TULP3: variants seen among roughly 807,000 people sequenced by gnomAD.
TULP3 encodes the protein TUB like protein 3, also known as tubby-related protein 3.
In TULP3, 38 loss-of-function variants were observed where a neutral mutation model predicts 50.7. That is an observed-to-expected ratio of 0.75 (90% CI 0.58 to 0.98). The LOEUF is 0.98. Ranked by LOEUF, TULP3 falls within the 50% of genes least tolerant of loss-of-function variation. The pLI is 0.00. For synonymous variants in TULP3, 183 were observed against 196.6 expected (o/e 0.93, Z 0.58); for missense variants, 550 against 568.0 (o/e 0.97, Z 0.32).
intron 2 of TULP3, among the ~76,000 whole-genome samples, chr12:2,909,956 T>G (rs4572194): frequency 0.46 from 69,536 of 152,034 alleles, 16,096 homozygotes; most frequent in East Asian, 0.56. Context: ...GGTGTTCTTA[T>G]GCGAAAATGC....
In TULP3 at chr12:2,890,939, G is replaced by A. The variant is rs148689776; in HGVS notation, c.-9G>A. On this transcript the variant is annotated 5_prime_UTR_variant, in exon 1 of 11. The change creates a new upstream start codon in the 5' untranslated region. Transcript: ENST00000448120. ...TGTGTACGTGGTGGGGGCTTCCTCG[G>A]TGGCGGGCATGGAGGCTTCGCGCTG... is the stretch of plus-strand genomic sequence containing the variant. 2 of 1,596,188 alleles carry A rather than the reference G, an allele frequency of 1.3e-6. No homozygotes were observed. The highest frequency in any genetic ancestry group is 1.7e-5 in the Admixed American group (1 of 58,022).
chr12:2,938,694 G>A (rs2098202979), intron 10 of TULP3, among the ~76,000 whole-genome samples: 2 of 152,080 alleles, frequency 1.3e-5, no homozygotes, highest in Admixed American at 6.6e-5. Flanking sequence ...TGAGGTGGGA[G>A]CATCACTTGA....
intron 1 of TULP3, among the ~76,000 whole-genome samples, chr12:2,900,562 G>A (rs1242929950): frequency 2.6e-5 from 4 of 151,318 alleles, no homozygotes; most frequent in Non-Finnish European, 5.9e-5. Context: ...AATTAATAAA[G>A]TACTCTTTTT....
chr12:2,925,976 T>C lies in TULP3; in HGVS notation c.394+3574T>C, dbSNP rs1348539941. On this transcript the variant is annotated intron_variant, in intron 4 of 10. Transcript: ENST00000448120. The stretch of plus-strand genomic sequence containing the variant: ...GGTTGCATCTTGACTATAAAACCCA[T>C]TAAGTGCTGTTTTGATTAAATTCTA... Among the ~76,000 whole-genome samples the C allele has an allele frequency of 2.6e-5, 4 of 152,172 alleles. No individual in the cohort carries two copies. In the East Asian group the frequency reaches 7.7e-4, roughly 29 times the overall value.
At chr12:2,919,807 C>T (rs2098190676) in intron 2 of TULP3, among the ~76,000 whole-genome samples, 1 of 151,518 alleles carries the variant, frequency 6.6e-6, no homozygotes, top group Admixed American at 6.6e-5. Flanking sequence ...TTTCTTGCTA[C>T]CATAGTCTTT....
chr12:2,930,346 G>T lies in TULP3; in HGVS notation c.492+1G>T, dbSNP rs145289428. On this transcript the variant is annotated splice_donor_variant, in intron 5 of 10. Coordinates refer to ENST00000448120, the MANE Select transcript of TULP3 (RefSeq NM_003324.5). LOFTEE classifies it high-confidence loss of function. Reference sequence around the variant, plus strand: ...TTCTGCATCAAGCCAGAATTCAACCGTATGTAGTTCTGAAACTTCTTCCAT... The same window carrying T: ...TTCTGCATCAAGCCAGAATTCAACCTTATGTAGTTCTGAAACTTCTTCCAT... 9 of 1,603,440 alleles carry T rather than the reference G, an allele frequency of 5.6e-6. No individual in the cohort carries two copies. The highest frequency in any genetic ancestry group is 7.7e-6 in the Non-Finnish European group (9 of 1,172,828).
chr12:2,928,331 G>A (rs1340863450), intron 4 of TULP3, among the ~76,000 whole-genome samples: 1 of 152,048 alleles, frequency 6.6e-6, no homozygotes. Context: ...GGGAGTTCGA[G>A]GCCAGCCTGA....
chr12:2,928,835 C>T (rs1304239955), intron 4 of TULP3, among the ~76,000 whole-genome samples: 1 of 151,996 alleles, frequency 6.6e-6, no homozygotes, highest in East Asian at 1.9e-4. Context: ...ATCCCAGCTA[C>T]CGGGGAGGCT....
At chr12:2,917,802 G>A (rs1310326512) in intron 2 of TULP3, among the ~76,000 whole-genome samples, 1 of 151,482 alleles carries the variant, frequency 6.6e-6, no homozygotes, top group Admixed American at 6.6e-5. Context: ...GCGTGAACCC[G>A]GGAGGCGGAG....
intron 1 of TULP3, among the ~76,000 whole-genome samples, chr12:2,905,604 TAC>T (rs2098181748): frequency 6.6e-6 from 1 of 152,204 alleles, no homozygotes; most frequent in Non-Finnish European, 1.5e-5. Flanking sequence ...TTGTAAATGT[TAC>T]AGTTACTTAA....
intron 1 of TULP3, among the ~76,000 whole-genome samples, chr12:2,894,086 A>G (rs993412397): frequency 2.0e-5 from 3 of 152,218 alleles, no homozygotes; most frequent in South Asian, 4.1e-4. Flanking sequence ...CTTGAGCCCT[A>G]TCTGGCCTTT....
At chr12:2,918,973 A>G (rs963988021) in intron 2 of TULP3, among the ~76,000 whole-genome samples, 1 of 150,174 alleles carries the variant, frequency 6.7e-6, no homozygotes, top group Admixed American at 6.7e-5. Context: ...GCTCACCACA[A>G]CCTCTACCTC....
chr12:2,927,645 G>A (rs1267339616), intron 4 of TULP3, among the ~76,000 whole-genome samples: 1 of 151,970 alleles, frequency 6.6e-6, no homozygotes, highest in South Asian at 2.1e-4. Context: ...GAGCCACTGC[G>A]CCCGGCCTGA....
chr12:2,909,483 G>C, intron 1 of TULP3, 46 bp from the exon 2 acceptor site: 3 of 1,524,116 alleles, frequency 2.0e-6, no homozygotes, highest in Non-Finnish European at 2.7e-6. Context: ...AATTGACAAG[G>C]CGTTTTCTTT....
chr12:2,908,376 AAGTCTT>A (rs2098183599), intron 1 of TULP3, among the ~76,000 whole-genome samples: 1 of 152,146 alleles, frequency 6.6e-6, no homozygotes, highest in Admixed American at 6.6e-5. Context: ...CACAAAATAA[AAGTCTT>A]AAATTAGGAA....
At chr12:2,913,182 A>T (rs1223600003) in intron 2 of TULP3, among the ~76,000 whole-genome samples, 2 of 147,206 alleles carry the variant, frequency 1.4e-5, no homozygotes, top group African/African-American at 2.5e-5. Context: ...CATTACCCTA[A>T]TGACTAATTA....
rs201665307 is a variant in TULP3, at chr12:2,909,557, C to T, written c.70C>T (p.Arg24Ter). The T allele has an allele frequency of 6.8e-5, 107 of 1,573,348 alleles. No homozygotes were observed. Among genetic ancestry groups the T allele is most frequent in the Non-Finnish European group, 8.3e-5 (97 of 1,168,358 alleles). The change falls in exon 2 of 11, where the codon CGA becomes TGA. Residue 24 changes from arginine to a stop codon, truncating the protein, a stop_gained. Transcript: ENST00000448120. LOFTEE classifies it high-confidence loss of function. ...CTTCCATGAAGAAATGATGAAGATG[C>T]GACAGGCTAAGCTGGATTATCAGGT... is the stretch of plus-strand genomic sequence containing the variant. Reference protein sequence around the residue: ...SVFHEEMMKMRQAKLDYQRLL... With the variant: ...SVFHEEMMKM
At chr12:2,928,992 T>C (rs906768905) in intron 4 of TULP3, among the ~76,000 whole-genome samples, 2 of 151,840 alleles carry the variant, frequency 1.3e-5, no homozygotes, top group African/African-American at 4.8e-5. Flanking sequence ...TTAGAATTTG[T>C]CTAGCAAGTT....
Position 2,940,082 on chromosome 12 carries a change from G to C in TULP3, c.*638G>C. 1 of 1,289,564 alleles carries C rather than the reference G, an allele frequency of 7.8e-7. No homozygotes were observed. The highest frequency in any genetic ancestry group is 1.0e-6 in the Non-Finnish European group (1 of 989,000). 79.9% of individuals were successfully genotyped at this position (1,289,564 alleles called of 1,614,324 possible). On this transcript the variant is annotated 3_prime_UTR_variant, in exon 11 of 11. Coordinates refer to ENST00000448120, the MANE Select transcript of TULP3 (RefSeq NM_003324.5). ...TGTGATCACATTTGTGATCAATTAT[G>C]TGAGAATTTTATATAATTGTCTTCA...
Sources: gnomAD v4.1 joint callset for allele counts (sites outside exome capture counted in the v4.1 genomes callset) on GRCh38, gnomAD v4.1.1 for gene constraint, MANE v1.5 for transcripts, NCBI Gene and HGNC (gene_info 2026-07-23, HGNC 2026-07-21) for gene names.